Variants in ZIM2 observed in about 807,000 individuals in gnomAD.
ZIM2 encodes the protein zinc finger protein 656.
In ZIM2, 14 loss-of-function variants were observed where a neutral mutation model predicts 38.6. That is an observed-to-expected ratio of 0.36 (90% CI 0.24 to 0.57). The LOEUF is 0.57. ZIM2 is among the 20% of genes least tolerant of loss of function. The pLI, the probability that ZIM2 is intolerant of heterozygous loss-of-function variation, is 0.81. For missense variants in ZIM2, 680 were observed against 695.1 expected (o/e 0.98, Z 0.24); for synonymous variants, 247 against 245.8 (o/e 1.00, Z -0.04).
At chr19:56,775,981 G>T (rs1254730540) in intron 12 of ZIM2, among the ~76,000 whole-genome samples, 1 of 151,594 alleles carries the variant, frequency 6.6e-6, no homozygotes, top group Admixed American at 6.6e-5. Context: ...CGTGCCTGTA[G>T]TCCCAACTAC....
chr19:56,823,648 G>C lies in ZIM2; in HGVS notation c.48C>G (p.Asp16Glu), dbSNP rs766142792. Residue 16 changes from aspartate (D) to glutamate (E), a missense_variant, in exon 5 of 13, where the codon GAC becomes GAG. Asp to Glu is a conservative substitution (Grantham distance 45, BLOSUM62 2). Coordinates refer to ENST00000629319, the MANE Select transcript of ZIM2 (RefSeq NM_001387356.1). ...ACTCTCTTCTGTTCCGGGTCATGTC[G>C]TCGTCGCTGGTCACGTCACTGTTGT... ...DDNNSDVTSD[D>E]DMTRNRRESS... The C allele has an allele frequency of 4.3e-6, 7 of 1,614,088 alleles. No homozygotes were observed. In the East Asian group the frequency reaches 1.3e-4, roughly 31 times the overall value.
At chr19:56,794,592 G>A (rs2047100534) in intron 9 of ZIM2, among the ~76,000 whole-genome samples, 1 of 152,152 alleles carries the variant, frequency 6.6e-6, no homozygotes. Context: ...GACACAATCT[G>A]CCAAATTTTC....
chr19:56,784,765 T>C (rs146880723), intron 10 of ZIM2, among the ~76,000 whole-genome samples: 1 of 152,196 alleles, frequency 6.6e-6, no homozygotes, highest in South Asian at 2.1e-4. Flanking sequence ...AGAGATCCAT[T>C]ACATTATCTC....
At chr19:56,797,236 A>C (rs2047276932) in intron 9 of ZIM2, among the ~76,000 whole-genome samples, 1 of 152,152 alleles carries the variant, frequency 6.6e-6, no homozygotes, top group South Asian at 2.1e-4. Context: ...GAATGGCTTG[A>C]ACTCGTGAAG....
In ZIM2 at chr19:56,817,518, T is replaced by C. The variant is rs112921506; in HGVS notation, c.490+228A>G. Reference sequence around the variant, plus strand: ...TTTCCATTATCACTCCGTGGGAAGATTCATCTTCACAAATCCCCCGCCGGT... The same window carrying C: ...TTTCCATTATCACTCCGTGGGAAGACTCATCTTCACAAATCCCCCGCCGGT... On this transcript the variant is annotated intron_variant, in intron 9 of 12. Transcript: ENST00000629319. 3 of 1,608,254 alleles carry C rather than the reference T, an allele frequency of 1.9e-6. No individual in the cohort carries two copies. In the East Asian group the frequency reaches 6.7e-5, roughly 36 times the overall value.
chr19:56,780,692 T>A (rs2046290659), intron 11 of ZIM2, among the ~76,000 whole-genome samples: 1 of 152,202 alleles, frequency 6.6e-6, no homozygotes, highest in Non-Finnish European at 1.5e-5. Flanking sequence ...CTGTTGCCTA[T>A]CTAACATTCA....
chr19:56,822,976 TC>T, intron 5 of ZIM2, 140 bp from the exon 6 acceptor site: 1 of 1,160,278 alleles, frequency 8.6e-7, no homozygotes, highest in South Asian at 1.5e-5. Flanking sequence ...AGCTCCAGGT[TC>T]CCAGGCTCAT....
intron 2 of ZIM2, among the ~76,000 whole-genome samples, chr19:56,827,086 T>C (rs1251657750): frequency 6.6e-6 from 1 of 152,102 alleles, no homozygotes; most frequent in Admixed American, 6.5e-5. Context: ...GCTGAAATAA[T>C]GTAAAGAGCA....
chr19:56,839,048 T>C (rs2062598535), intron 1 of ZIM2, among the ~76,000 whole-genome samples: 1 of 151,834 alleles, frequency 6.6e-6, no homozygotes, highest in African/African-American at 2.4e-5. Context: ...CCATCAAAGA[T>C]GGCGCCCAGG....
intron 11 of ZIM2, among the ~76,000 whole-genome samples, chr19:56,781,534 C>G (rs2046331421): frequency 6.6e-6 from 1 of 152,126 alleles, no homozygotes; most frequent in African/African-American, 2.4e-5. Flanking sequence ...GGAGCAAACC[C>G]CTGTCTGGTA....
At chr19:56,776,056 G>A (rs1158752179) in intron 12 of ZIM2, among the ~76,000 whole-genome samples, 3 of 142,348 alleles carry the variant, frequency 2.1e-5, no homozygotes, top group Admixed American at 7.4e-5. Flanking sequence ...AGCAGAGATC[G>A]CACCACTGCA....
At chr19:56,821,558 G>A (rs549583937) in intron 7 of ZIM2, 93 bp downstream of exon 7, 3 of 1,488,014 alleles carry the variant, frequency 2.0e-6, no homozygotes. Context: ...CTGGACTCTA[G>A]GGGGCAGATA....
Position 56,822,705 on chromosome 19 carries a change from G to A in ZIM2, c.190+48C>T, listed in dbSNP as rs576885088. On this transcript the variant is annotated intron_variant, in intron 6 of 12. Transcript: ENST00000629319. ...CACTTTCCCCTTGAACCTGTGCACAGCACATGCTCTATATCTCCTACTGGG... is the reference window on the plus strand; with the variant it reads ...CACTTTCCCCTTGAACCTGTGCACAACACATGCTCTATATCTCCTACTGGG... 149 of 1,606,074 alleles carry A rather than the reference G, an allele frequency of 9.3e-5. 2 individuals carry two copies. The South Asian group carries it at 1.6e-3, about 17-fold the overall frequency.
At chr19:56,833,510 G>C (rs372489089) in intron 2 of ZIM2, 1 of 263,904 alleles carries the variant, frequency 3.8e-6, no homozygotes, top group Non-Finnish European at 7.5e-6. Flanking sequence ...TTAAATGCCC[G>C]ACACTCAGTG....
At chr19:56,790,464 C>G in intron 9 of ZIM2, among the ~76,000 whole-genome samples, 1 of 152,184 alleles carries the variant, frequency 6.6e-6, no homozygotes, top group East Asian at 1.9e-4. Flanking sequence ...TCTGTCCCAC[C>G]TGGGACATGA....
At chr19:56,838,655 T>C (rs1001742484) in intron 1 of ZIM2, among the ~76,000 whole-genome samples, 5 of 152,226 alleles carry the variant, frequency 3.3e-5, no homozygotes, top group African/African-American at 9.6e-5. Flanking sequence ...CCCGTCACCC[T>C]GTCCTTAAGC....
At chr19:56,826,577 A>G (rs1278746107) in intron 2 of ZIM2, 114 bp from the exon 3 acceptor site, 2 of 152,252 alleles carry the variant, frequency 1.3e-5, no homozygotes, top group Admixed American at 6.5e-5. Context: ...CACTGGGGTG[A>G]TGCCTTCTAT....
intron 9 of ZIM2, among the ~76,000 whole-genome samples, chr19:56,807,390 A>T (rs2047809046): frequency 6.6e-6 from 1 of 152,212 alleles, no homozygotes; most frequent in Non-Finnish European, 1.5e-5. Context: ...CATTTGTATC[A>T]TGTTATGATT....
chr19:56,821,813 G>A, intron 6 of ZIM2, 59 bp from the exon 7 acceptor site: 1 of 1,590,262 alleles, frequency 6.3e-7, no homozygotes, highest in Non-Finnish European at 8.6e-7. Context: ...CAGGTCCCAG[G>A]TTTGTCCCAC....
Sources: gnomAD v4.1 joint callset for allele counts (sites outside exome capture counted in the v4.1 genomes callset) on GRCh38, gnomAD v4.1.1 for gene constraint, MANE v1.5 for transcripts, NCBI Gene and HGNC (gene_info 2026-07-23, HGNC 2026-07-21) for gene names.